The following GRM8 variants were observed in gnomAD, a reference collection of about 807,000 sequenced individuals.
GRM8 encodes glutamate metabotropic receptor 8, also known as metabotropic glutamate receptor 8.
Under a neutral mutation model 87.2 loss-of-function variants are expected in GRM8, and 47 were observed. That is an observed-to-expected ratio of 0.54 (90% confidence interval 0.43 to 0.69). GRM8 has a LOEUF of 0.69. Ranked by LOEUF, GRM8 falls within the 30% of genes least tolerant of loss-of-function variation. The pLI is 0.00. For synonymous variants in GRM8, 396 were observed against 404.5 expected (o/e 0.98, Z 0.25); for missense variants, 1,019 against 1,139.2 (o/e 0.89, Z 1.52).
intron 7 of GRM8, among the ~76,000 whole-genome samples, chr7:126,704,653 T>G (rs999876997): frequency 5.3e-5 from 8 of 152,100 alleles, no homozygotes; most frequent in Non-Finnish European, 1.0e-4. Context: ...GTCTCTGAAA[T>G]GGACCCTTGG....
At chr7:127,103,991 A>G (rs1293554782) in intron 3 of GRM8, among the ~76,000 whole-genome samples, 1 of 152,190 alleles carries the variant, frequency 6.6e-6, no homozygotes, top group Non-Finnish European at 1.5e-5. Flanking sequence ...ATTTTTTTAA[A>G]ATGAAAAACA....
At chr7:126,676,153 T>G (rs1806936652) in intron 7 of GRM8, among the ~76,000 whole-genome samples, 1 of 151,886 alleles carries the variant, frequency 6.6e-6, no homozygotes, top group East Asian at 1.9e-4. Flanking sequence ...AAAGAACAAA[T>G]GAACCTAGGA....
intron 2 of GRM8, among the ~76,000 whole-genome samples, chr7:127,115,931 A>ACACAGTGAG (rs1826672616): frequency 6.6e-6 from 1 of 152,202 alleles, no homozygotes; most frequent in African/African-American, 2.4e-5. Flanking sequence ...ATCCTGGGCA[A>ACACAGTGAG]CACAGTGAGA....
At chr7:127,065,891 C>T (rs1821057287) in intron 3 of GRM8, among the ~76,000 whole-genome samples, 1 of 152,100 alleles carries the variant, frequency 6.6e-6, no homozygotes, top group Admixed American at 6.5e-5. Flanking sequence ...ATGTCTTTCC[C>T]TGTAAAAAAA....
chr7:126,601,693 C>A (rs1447350334), intron 8 of GRM8, among the ~76,000 whole-genome samples: 5 of 149,540 alleles, frequency 3.3e-5, no homozygotes, highest in Admixed American at 2.7e-4. Flanking sequence ...TGATGATGAG[C>A]ATTTTTTCAT....
intron 3 of GRM8, among the ~76,000 whole-genome samples, chr7:127,081,180 C>T (rs1430045660): frequency 1.3e-5 from 2 of 152,102 alleles, no homozygotes; most frequent in Non-Finnish European, 2.9e-5. Context: ...CCCAGAACAG[C>T]CTGTTCTCTC....
chr7:126,626,171 A>G (rs1800667286), intron 7 of GRM8, among the ~76,000 whole-genome samples: 1 of 150,956 alleles, frequency 6.6e-6, no homozygotes, highest in African/African-American at 2.4e-5. Context: ...GTACTAGGAA[A>G]AGGTCTTTCA....
chr7:126,615,841 T>C (rs1368922371), intron 7 of GRM8, among the ~76,000 whole-genome samples: 1 of 152,212 alleles, frequency 6.6e-6, no homozygotes, highest in Non-Finnish European at 1.5e-5. Flanking sequence ...TAAATATATA[T>C]GCACCCAATA....
At chr7:126,460,886 G>A (rs747538967) in intron 9 of GRM8, among the ~76,000 whole-genome samples, 37 of 151,510 alleles carry the variant, frequency 2.4e-4, no homozygotes, top group Non-Finnish European at 3.0e-4. Flanking sequence ...AGAGAGTTGT[G>A]AAGTATGAGC....
intron 2 of GRM8, among the ~76,000 whole-genome samples, chr7:127,137,000 TA>T (rs1015080063): frequency 6.6e-6 from 1 of 152,050 alleles, no homozygotes; most frequent in African/African-American, 2.4e-5. Flanking sequence ...ATATAAGAAT[TA>T]AATCACAGGA....
At chr7:127,147,395 G>T (rs1246644040) in intron 2 of GRM8, among the ~76,000 whole-genome samples, 1 of 152,026 alleles carries the variant, frequency 6.6e-6, no homozygotes, top group African/African-American at 2.4e-5. Flanking sequence ...AAAGGACCTT[G>T]TTTCCTAATA....
chr7:126,604,483 A>G (rs1281049322), intron 8 of GRM8, among the ~76,000 whole-genome samples: 1 of 152,150 alleles, frequency 6.6e-6, no homozygotes, highest in Admixed American at 6.6e-5. Flanking sequence ...TTGTACTGGC[A>G]AAACAAAACA....
At chr7:127,004,871 A>T (rs1814108268) in intron 3 of GRM8, among the ~76,000 whole-genome samples, 1 of 151,710 alleles carries the variant, frequency 6.6e-6, no homozygotes, top group Non-Finnish European at 1.5e-5. Flanking sequence ...TCATTAACTT[A>T]AAAAATTAAA....
chr7:127,217,102 T>C (rs1796605019), intron 2 of GRM8, among the ~76,000 whole-genome samples: 1 of 152,244 alleles, frequency 6.6e-6, no homozygotes, highest in Non-Finnish European at 1.5e-5. Context: ...CTCTGTGGTA[T>C]ACATATGGAT....
chr7:126,839,782 T>C (rs909522556), intron 6 of GRM8, among the ~76,000 whole-genome samples: 1 of 152,176 alleles, frequency 6.6e-6, no homozygotes, highest in Non-Finnish European at 1.5e-5. Flanking sequence ...AACTCTCGGC[T>C]CACCTGAAGT....
intron 7 of GRM8, among the ~76,000 whole-genome samples, chr7:126,760,148 C>G (rs1817444198): frequency 6.6e-6 from 1 of 152,112 alleles, no homozygotes; most frequent in African/African-American, 2.4e-5. Flanking sequence ...ATTATTAAGC[C>G]CATGGTACTC....
chr7:126,547,190 G>A lies in GRM8; in HGVS notation c.1495-13303C>T, dbSNP rs780181395. On this transcript the variant is annotated intron_variant, in intron 8 of 10. Transcript: ENST00000339582. The stretch of plus-strand genomic sequence containing the variant: ...CAAGTGCAAAGAGTTTTAAATCAGC[G>A]TTATAGTGCACCCTTACATATAAAT... Among the ~76,000 whole-genome samples, 49 of 152,240 alleles carry A rather than the reference G, an allele frequency of 3.2e-4. 1 individual carries two copies. The highest frequency in any genetic ancestry group is 1.4e-3 in the Admixed American group (21 of 15,290).
chr7:126,496,516 G>A (rs1407276828), intron 9 of GRM8, among the ~76,000 whole-genome samples: 1 of 151,966 alleles, frequency 6.6e-6, no homozygotes, highest in East Asian at 1.9e-4. Flanking sequence ...CCACTACTGT[G>A]AAACCAAGAC....
intron 7 of GRM8, among the ~76,000 whole-genome samples, chr7:126,766,754 T>A (rs1818244647): frequency 6.6e-6 from 1 of 152,162 alleles, no homozygotes; most frequent in Non-Finnish European, 1.5e-5. Flanking sequence ...AAACCTTGTT[T>A]TGGCCAATGG....
Sources: gnomAD v4.1 joint callset for allele counts (sites outside exome capture counted in the v4.1 genomes callset) on GRCh38, gnomAD v4.1.1 for gene constraint, MANE v1.5 for transcripts, NCBI Gene and HGNC (gene_info 2026-07-23, HGNC 2026-07-21) for gene names.